RTCB: variants seen among roughly 807,000 people sequenced by gnomAD.
The protein encoded by RTCB is RNA 2',3'-cyclic phosphate and 5'-OH ligase, also known as RNA-splicing ligase RTCB.
In RTCB, 32 loss-of-function variants were observed where a neutral mutation model predicts 58.2. The ratio of observed to expected loss-of-function variants is 0.55; its 90% CI spans 0.41 to 0.74. The LOEUF (loss-of-function observed/expected upper bound fraction) is 0.74, where lower values mean the gene tolerates loss of function less well. Among genes scored for constraint, RTCB ranks in the 30% least tolerant of loss-of-function variants. The pLI is 0.00. For missense variants in RTCB, 523 were observed against 639.0 expected (o/e 0.82, Z 1.96); for synonymous variants, 247 against 218.6 (o/e 1.13, Z -1.15).
chr22:32,392,578 G>C (rs142698549), intron 10 of RTCB: 3 of 690,836 alleles, frequency 4.3e-6, no homozygotes, highest in Admixed American at 2.0e-5. Context: ...GCGCAGCGCA[G>C]TGTATTCAGC....
In RTCB at chr22:32,396,194, A is replaced by T; in HGVS notation, c.870T>A (p.Asp290Glu). Residue 290 changes from aspartate (D) to glutamate (E), a missense_variant, in exon 8 of 12, where the codon GAT becomes GAA. Asp to Glu is a conservative substitution (Grantham distance 45). Transcript: ENST00000216038. ...AMKRDKIIVN[D>E]RQLACARIAS... is the part of the protein sequence containing the mutation. ...CGATTCGAGCACAAGCCAACTGCCG[A>T]TCATTGACTATAATCTTGTCTCTCT... is the stretch of plus-strand genomic sequence containing the variant. 1 of 1,614,186 alleles carries T rather than the reference A, an allele frequency of 6.2e-7. No individual in the cohort carries two copies. The highest frequency in any genetic ancestry group is 1.1e-5 in the South Asian group (1 of 91,076).
chr22:32,404,307 C>G (rs1377721126), intron 4 of RTCB, among the ~76,000 whole-genome samples: 1 of 152,218 alleles, frequency 6.6e-6, no homozygotes, highest in Non-Finnish European at 1.5e-5. Context: ...TTACTTAACT[C>G]AATGTCAATT....
Position 32,393,994 on chromosome 22 carries a change from T to A in RTCB, c.1188A>T (p.Gly396=), listed in dbSNP as rs746379460. ...TGGTGCCACCAATGAGCACTGGCTGTCCAGTGAGCTGAGGATGCACATAAA... is the reference window on the plus strand; with the variant it reads ...TGGTGCCACCAATGAGCACTGGCTGACCAGTGAGCTGAGGATGCACATAAA... ...PLIAVDYQLT[G]QPVLIGGTMG... Residue 396 remains glycine (G), a synonymous_variant, in exon 10 of 12, where the codon GGA becomes GGT. Coordinates refer to ENST00000216038, the MANE Select transcript of RTCB (RefSeq NM_014306.5). 1 of 1,606,774 alleles carries A rather than the reference T, an allele frequency of 6.2e-7. No homozygotes were observed. The highest frequency in any genetic ancestry group is 8.5e-7 in the Non-Finnish European group (1 of 1,173,288).
In RTCB at chr22:32,405,085, G is replaced by A. The variant is rs376265552; in HGVS notation, c.340+1577C>T. Among the ~76,000 whole-genome samples, 5 of 152,214 alleles carry A rather than the reference G, an allele frequency of 3.3e-5. 1 individual carries two copies. Among genetic ancestry groups the A allele is most frequent in the African/African-American group, 1.2e-4 (5 of 41,536 alleles). ...GGGGTGAGGGGGAAGACCATTTCAG[G>A]TGTGTAAGATTCATTTTATAATACT... On this transcript the variant is annotated intron_variant, in intron 4 of 11. Coordinates refer to ENST00000216038, the MANE Select transcript of RTCB (RefSeq NM_014306.5).
intron 1 of RTCB, among the ~76,000 whole-genome samples, chr22:32,409,530 T>C (rs962725425): frequency 7.0e-6 from 1 of 142,296 alleles, no homozygotes; most frequent in Non-Finnish European, 1.5e-5. Context: ...GGTCAAATAT[T>C]GTGAAAGAGC....
intron 1 of RTCB, among the ~76,000 whole-genome samples, chr22:32,411,041 T>TAACGGTTTCCACA (rs1933513342): frequency 6.6e-6 from 1 of 152,138 alleles, no homozygotes; most frequent in Admixed American, 6.5e-5. Flanking sequence ...TCCTTCAGGG[T>TAACGGTTTCCACA]AACGGTTTCC....
At chr22:32,401,038 C>T (rs1280671984) in intron 5 of RTCB, among the ~76,000 whole-genome samples, 1 of 151,192 alleles carries the variant, frequency 6.6e-6, no homozygotes, top group African/African-American at 2.4e-5. Context: ...ATTCAGAATA[C>T]AGCTTCTGAA....
At chr22:32,410,008 G>T (rs931749725) in intron 1 of RTCB, among the ~76,000 whole-genome samples, 1 of 152,008 alleles carries the variant, frequency 6.6e-6, no homozygotes, top group Non-Finnish European at 1.5e-5. Context: ...TAGTAGAGAC[G>T]AAGTTTCACG....
At chr22:32,399,939 T>C (rs1280546932) in intron 5 of RTCB, 180 bp from the exon 6 acceptor site, 5 of 469,884 alleles carry the variant, frequency 1.1e-5, no homozygotes, top group Admixed American at 3.6e-5. Context: ...TGCAGTCATA[T>C]AAATAATTCC....
chr22:32,404,822 G>C (rs961930649), intron 4 of RTCB, among the ~76,000 whole-genome samples: 1 of 151,654 alleles, frequency 6.6e-6, no homozygotes, highest in Non-Finnish European at 1.5e-5. Context: ...TGGCACTACA[G>C]GCGCATGCCC....
intron 1 of RTCB, among the ~76,000 whole-genome samples, chr22:32,411,126 T>TG (rs1248743451): frequency 1.3e-5 from 2 of 152,180 alleles, no homozygotes; most frequent in Non-Finnish European, 1.5e-5. Context: ...TCAGTGTAAG[T>TG]GACTTGCCAA....
intron 7 of RTCB, among the ~76,000 whole-genome samples, chr22:32,397,401 ATGTGT>A (rs1395656186): frequency 1.3e-5 from 2 of 152,146 alleles, no homozygotes; most frequent in Non-Finnish European, 2.9e-5. Flanking sequence ...TTTTTCTTAA[ATGTGT>A]TTTGTTTGAC....
intron 11 of RTCB, among the ~76,000 whole-genome samples, chr22:32,388,370 G>A (rs1229938067): frequency 6.6e-6 from 1 of 151,544 alleles, no homozygotes; most frequent in Non-Finnish European, 1.5e-5. Flanking sequence ...TGTAGTAAAT[G>A]TAAGTAAATA....
At chr22:32,403,954 C>G (rs935964281) in intron 4 of RTCB, among the ~76,000 whole-genome samples, 1 of 152,188 alleles carries the variant, frequency 6.6e-6, no homozygotes, top group African/African-American at 2.4e-5. Context: ...TGTGTCTGGC[C>G]TATTTCTCAG....
In RTCB at chr22:32,412,184, C is replaced by A; in HGVS notation, c.-28G>T. The stretch of plus-strand genomic sequence containing the variant: ...TGGCGAAAACTGTAGCAAAAACTCC[C>A]GGCTCCGCTTTGAAGAGCCGCTGCC... On this transcript the variant is annotated 5_prime_UTR_variant, in exon 1 of 12. Coordinates refer to ENST00000216038, the MANE Select transcript of RTCB (RefSeq NM_014306.5). 1 of 1,557,762 alleles carries A rather than the reference C, an allele frequency of 6.4e-7. No homozygotes were observed. Among genetic ancestry groups the A allele is most frequent in the Non-Finnish European group, 8.7e-7 (1 of 1,148,548 alleles).
At chr22:32,400,251 T>C (rs1933313676) in intron 5 of RTCB, among the ~76,000 whole-genome samples, 1 of 152,222 alleles carries the variant, frequency 6.6e-6, no homozygotes, top group Non-Finnish European at 1.5e-5. Context: ...ACAGGTTAAA[T>C]TTTAAGCTGT....
chr22:32,410,539 G>A (rs1417288513), intron 1 of RTCB, among the ~76,000 whole-genome samples: 1 of 152,112 alleles, frequency 6.6e-6, no homozygotes, highest in Admixed American at 6.5e-5. Flanking sequence ...CCAAAGGAAA[G>A]GTGGTAGTAA....
intron 9 of RTCB, 84 bp from the exon 10 acceptor site, chr22:32,394,086 T>A: frequency 1.2e-6 from 1 of 864,228 alleles, no homozygotes; most frequent in Non-Finnish European, 1.9e-6. Context: ...TCTCTTGCAC[T>A]GTAGGATTGT....
At chr22:32,409,919 G>A (rs948233473) in intron 1 of RTCB, among the ~76,000 whole-genome samples, 11 of 151,364 alleles carry the variant, frequency 7.3e-5, no homozygotes, top group Admixed American at 6.6e-4. Context: ...CTGGGTTCAC[G>A]CCATTCTCCT....
Sources: allele counts gnomAD v4.1 joint callset (sites outside exome capture counted in the v4.1 genomes callset), GRCh38; gene constraint gnomAD v4.1.1; transcripts MANE v1.5; gene names NCBI Gene and HGNC (gene_info 2026-07-23, HGNC 2026-07-21).